Variants in ZFYVE1 observed in about 807,000 individuals in gnomAD.
ZFYVE1 encodes zinc finger FYVE-type containing 1.
ZFYVE1 carries 30 observed loss-of-function variants against 74.4 expected under a neutral mutation model. The observed-to-expected ratio is 0.40, with a 90% CI of 0.30 to 0.55. The LOEUF is 0.55. Ranked by LOEUF, ZFYVE1 falls within the 20% of genes least tolerant of loss-of-function variation. ZFYVE1 has a pLI of 0.42. For missense variants in ZFYVE1, 703 were observed against 1,011.6 expected (o/e 0.69, Z 4.14); for synonymous variants, 335 against 385.1 (o/e 0.87, Z 1.52).
chr14:73,001,729 C>T (rs1016984136), intron 2 of ZFYVE1, among the ~76,000 whole-genome samples: 1 of 84,344 alleles, frequency 1.2e-5, no homozygotes, highest in African/African-American at 6.2e-5. Context: ...CCTGTAATCC[C>T]AGCACTTTGG....
At chr14:72,997,036 G>A (rs1284207985) in intron 3 of ZFYVE1, among the ~76,000 whole-genome samples, 1 of 151,908 alleles carries the variant, frequency 6.6e-6, no homozygotes, top group African/African-American at 2.4e-5. Context: ...ACACACACAC[G>A]TCCCATGTCC....
intron 11 of ZFYVE1, among the ~76,000 whole-genome samples, chr14:72,971,547 C>T (rs117131775): frequency 0.044 from 6,635 of 152,158 alleles, 211 homozygotes; most frequent in Middle Eastern, 0.11. Flanking sequence ...GGGCTGGTCT[C>T]GAACTCCTAG....
Position 72,970,069 on chromosome 14 carries a change from C to A in ZFYVE1, c.*813G>T. 1 of 323,086 alleles carries A rather than the reference C, an allele frequency of 3.1e-6. No homozygotes were observed. The highest frequency in any genetic ancestry group is 5.7e-6 in the Non-Finnish European group (1 of 175,888). The allele number at this position is 323,086 out of a possible 1,614,324, so 20.0% of individuals were successfully genotyped here. On this transcript the variant is annotated 3_prime_UTR_variant, in exon 12 of 12. Coordinates refer to ENST00000556143, the MANE Select transcript of ZFYVE1 (RefSeq NM_021260.4). ...ATGCTTCGATTGAGGAGCTGGGTGC[C>A]GCCTTTTGGGAAAGCCGAGTGGAGA...
intron 1 of ZFYVE1, 69 bp downstream of exon 1, chr14:73,026,857 G>T (rs1016632513): frequency 6.6e-5 from 9 of 137,160 alleles, no homozygotes; most frequent in African/African-American, 2.4e-4. Flanking sequence ...GCCCCAGGAC[G>T]ATCACTCGCC....
At chr14:72,978,762 C>T in intron 6 of ZFYVE1, 99 bp downstream of exon 6, 1 of 943,690 alleles carries the variant, frequency 1.1e-6, no homozygotes, top group Non-Finnish European at 1.7e-6. Context: ...ATATCAAATA[C>T]TTCAGCATGC....
chr14:73,015,332 AG>A (rs1198057286), intron 2 of ZFYVE1, among the ~76,000 whole-genome samples: 1 of 72,462 alleles, frequency 1.4e-5, no homozygotes, highest in Non-Finnish European at 2.5e-5. Context: ...GGGGAAGGAA[AG>A]GGGGGAAGGA....
chr14:72,980,526 A>AGAAT (rs201664717), intron 5 of ZFYVE1, among the ~76,000 whole-genome samples: 4,844 of 124,882 alleles, frequency 0.039, 119 homozygotes, highest in East Asian at 0.12. Context: ...GCATCACCTG[A>AGAAT]GAATTAATTA....
In ZFYVE1 at chr14:72,992,427, C is replaced by T. The variant is rs181912421; in HGVS notation, c.1203+716G>A. On this transcript the variant is annotated intron_variant, in intron 4 of 11. Transcript: ENST00000556143. ...CAATTACTACATCTCTTGGTGCCTC[C>T]GTTTCCTCATCTGTAAATGAGGATG... Among the ~76,000 whole-genome samples the T allele has an allele frequency of 2.2e-4, 33 of 152,228 alleles. 1 individual carries two copies. Among genetic ancestry groups the T allele is most frequent in the African/African-American group, 7.2e-4 (30 of 41,528 alleles).
At chr14:72,974,711 T>C (rs2140342081) in intron 10 of ZFYVE1, 68 bp downstream of exon 10, 1 of 1,531,082 alleles carries the variant, frequency 6.5e-7, no homozygotes, top group South Asian at 1.3e-5. Flanking sequence ...GATATCCAGT[T>C]CTTAGCACCC....
rs45476195 is a variant in ZFYVE1 at position 73,024,151 on chromosome 14, C to T, written c.358G>A (p.Val120Met). The change falls in exon 2 of 12, where the codon GTG becomes ATG. Residue 120 changes from valine to methionine, a missense_variant. This residue lies in a region of ZFYVE1 where 211 missense variants were observed against 221.7 expected (regional missense o/e 0.95). Coordinates refer to ENST00000556143, the MANE Select transcript of ZFYVE1 (RefSeq NM_021260.4). ...GGNKRRHPVT[V>M]YNVSNLQESL... ...TCCTGGAGATTACTGACATTGTACA[C>T]AGTAACAGGGTGTCTCCTTTTGTTA... The T allele has an allele frequency of 0.026, 42,584 of 1,614,190 alleles. 700 individuals are homozygous for T. Among genetic ancestry groups the T allele is most frequent in the Non-Finnish European group, 0.03 (35,621 of 1,180,046 alleles).
intron 4 of ZFYVE1, among the ~76,000 whole-genome samples, chr14:72,986,378 C>A (rs1893480213): frequency 6.6e-6 from 1 of 151,944 alleles, no homozygotes; most frequent in Non-Finnish European, 1.5e-5. Flanking sequence ...AAGCATCTCA[C>A]TCGTTCACAA....
In ZFYVE1 at chr14:72,998,283, C is replaced by T; in HGVS notation, c.516G>A (p.Leu172=). 2 of 1,420,412 alleles carry T rather than the reference C, an allele frequency of 1.4e-6. No homozygotes were observed. The highest frequency in any genetic ancestry group is 9.4e-7 in the Non-Finnish European group (1 of 1,064,010). 88.0% of individuals were successfully genotyped at this position (1,420,412 alleles called of 1,614,324 possible). ...VTNEEDFIRK[L]DCKPDQHLKV... ...TCAGATGCTGATCAGGTTTGCAGTC[C>T]AATTTTCTAATAAAGTCTTCTTCAT... Residue 172 remains leucine, a synonymous_variant, in exon 3 of 12, where the codon TTG becomes TTA. Transcript: ENST00000556143.
At chr14:73,021,832 TCTTCTTCATTACA>T (rs1440550668) in intron 2 of ZFYVE1, among the ~76,000 whole-genome samples, 3 of 152,226 alleles carry the variant, frequency 2.0e-5, no homozygotes, top group African/African-American at 7.2e-5. Flanking sequence ...GTTAGATTTA[TCTTCTTCATTACA>T]CTTCTTTATA....
intron 4 of ZFYVE1, among the ~76,000 whole-genome samples, chr14:72,986,637 T>G (rs1442868081): frequency 1.3e-5 from 2 of 150,836 alleles, no homozygotes; most frequent in African/African-American, 4.9e-5. Flanking sequence ...CTTGGCTCAC[T>G]GCAATCTCCG....
At chr14:73,002,261 G>A (rs1893888478) in intron 2 of ZFYVE1, among the ~76,000 whole-genome samples, 1 of 152,074 alleles carries the variant, frequency 6.6e-6, no homozygotes, top group Non-Finnish European at 1.5e-5. Flanking sequence ...GGTTGCTAGA[G>A]GAAGGAGGGA....
intron 2 of ZFYVE1, among the ~76,000 whole-genome samples, chr14:73,016,630 C>T (rs1894208716): frequency 6.6e-6 from 1 of 151,972 alleles, no homozygotes; most frequent in Admixed American, 6.6e-5. Context: ...GCCTGTAATC[C>T]CAGCACTTTG....
At position 72,970,894 on chromosome 14, in the gene ZFYVE1, G is replaced by A. The variant is rs769826421; in HGVS notation, c.2322C>T (p.Pro774=). 3.0e-5 allele frequency: 49 copies of A among 1,614,162 alleles called. No homozygotes were observed. In the East Asian group the frequency reaches 5.1e-4, roughly 17 times the overall value. Residue 774 remains proline, a synonymous_variant, in exon 12 of 12, where the codon CCC becomes CCT. Coordinates refer to ENST00000556143, the MANE Select transcript of ZFYVE1 (RefSeq NM_021260.4). ...GAGGGGGCTGGGGTTAAAGGTCACC[G>A]GGCTTTTTATTGCAGTTGAAGCAGA... The part of the protein sequence containing the change: ...VRVCFNCNKK[P]GDL
chr14:73,000,110 T>C (rs1285730945), intron 2 of ZFYVE1, among the ~76,000 whole-genome samples: 2 of 152,076 alleles, frequency 1.3e-5, no homozygotes, highest in African/African-American at 4.8e-5. Flanking sequence ...AAGACTAGTA[T>C]TCCAAACATA....
chr14:72,981,371 C>A (rs1893326099), intron 5 of ZFYVE1, among the ~76,000 whole-genome samples: 1 of 152,138 alleles, frequency 6.6e-6, no homozygotes, highest in African/African-American at 2.4e-5. Context: ...CAATACCGAC[C>A]CATAGTGTTT....
Sources: allele counts gnomAD v4.1 joint callset (sites outside exome capture counted in the v4.1 genomes callset), GRCh38; gene constraint gnomAD v4.1.1; regional missense constraint gnomAD v4.1.1; transcripts MANE v1.5; gene names NCBI Gene and HGNC (gene_info 2026-07-23, HGNC 2026-07-21).